Variants in TRAPPC9 observed in about 807,000 individuals in gnomAD.
TRAPPC9 encodes trafficking protein particle complex subunit 9.
TRAPPC9 carries 83 observed loss-of-function variants against 124.0 expected under a neutral mutation model. The ratio of observed to expected loss-of-function variants is 0.67; its 90% confidence interval spans 0.56 to 0.80. TRAPPC9 has a LOEUF of 0.80. Ranked by LOEUF, TRAPPC9 falls within the 30% of genes least tolerant of loss-of-function variation. The pLI is 0.00. For missense variants in TRAPPC9, 1,302 were observed against 1,508.3 expected, an observed-to-expected ratio of 0.86 and a Z score of 2.27; for synonymous variants, 638 against 617.5, an observed-to-expected ratio of 1.03 and a Z score of -0.49.
At chr8:139,918,505 A>G (rs988410257) in intron 19 of TRAPPC9, among the ~76,000 whole-genome samples, 3 of 152,222 alleles carry the variant, frequency 2.0e-5, no homozygotes, top group Admixed American at 6.5e-5. Flanking sequence ...CAGTCACCAG[A>G]GCGTGAGCAA....
intron 21 of TRAPPC9, among the ~76,000 whole-genome samples, chr8:139,860,604 A>T (rs1587008547): frequency 6.6e-6 from 1 of 151,866 alleles, no homozygotes; most frequent in East Asian, 1.9e-4. Flanking sequence ...CTGAAGCCCA[A>T]ACCTGGCTCT....
chr8:140,349,494 G>A (rs1321829837), intron 9 of TRAPPC9, among the ~76,000 whole-genome samples: 2 of 151,340 alleles, frequency 1.3e-5, no homozygotes, highest in African/African-American at 4.9e-5. Context: ...GAAGGCAGAC[G>A]ACCCTGGCAG....
At chr8:139,806,631 A>C (rs1223015202) in intron 21 of TRAPPC9, among the ~76,000 whole-genome samples, 2 of 152,160 alleles carry the variant, frequency 1.3e-5, no homozygotes, top group African/African-American at 4.8e-5. Context: ...CTGAACCCCC[A>C]TCCTGACTCT....
At chr8:139,797,762 T>C (rs1429744490) in intron 21 of TRAPPC9, among the ~76,000 whole-genome samples, 1 of 152,234 alleles carries the variant, frequency 6.6e-6, no homozygotes, top group Non-Finnish European at 1.5e-5. Flanking sequence ...TCTGATTCTT[T>C]CTCTATTGAA....
At chr8:140,320,591 G>A (rs527248640) in intron 9 of TRAPPC9, among the ~76,000 whole-genome samples, 3 of 152,278 alleles carry the variant, frequency 2.0e-5, no homozygotes, top group Admixed American at 6.5e-5. Context: ...TCCAGCACCC[G>A]GTTATCGGGA....
intron 21 of TRAPPC9, among the ~76,000 whole-genome samples, chr8:139,747,101 A>G (rs1053449259): frequency 1.3e-5 from 2 of 152,208 alleles, no homozygotes; most frequent in Non-Finnish European, 2.9e-5. Context: ...TCTGTCCCCA[A>G]GCAATGTCTC....
rs752940904 is a variant in TRAPPC9, at chr8:139,731,236, G to A, written c.3280-8C>T. On this transcript the variant is annotated splice_region_variant and splice_polypyrimidine_tract_variant and intron_variant, in intron 22 of 22. Transcript: ENST00000438773. ...CTGGCCGGACGGCTGCACCTGAGCAGGGAGGAGAAAGACACATCAGTCTGG... is the reference window on the plus strand; with the variant it reads ...CTGGCCGGACGGCTGCACCTGAGCAAGGAGGAGAAAGACACATCAGTCTGG... 6.2e-7 allele frequency: 1 copy of A among 1,613,040 alleles called. No individual in the cohort carries two copies. Among genetic ancestry groups the A allele is most frequent in the Non-Finnish European group, 8.5e-7 (1 of 1,179,824 alleles).
At chr8:140,127,982 G>A (rs1347451535) in intron 17 of TRAPPC9, among the ~76,000 whole-genome samples, 2 of 152,232 alleles carry the variant, frequency 1.3e-5, no homozygotes, top group African/African-American at 4.8e-5. Context: ...TGCAGGGTGA[G>A]TTATAAACCA....
chr8:139,870,482 C>T (rs1450964465), intron 21 of TRAPPC9, among the ~76,000 whole-genome samples: 3 of 152,114 alleles, frequency 2.0e-5, no homozygotes, highest in African/African-American at 2.4e-5. Context: ...ATATTTGTTG[C>T]CATCATGCTT....
intron 6 of TRAPPC9, among the ~76,000 whole-genome samples, chr8:140,404,794 A>ACG: frequency 6.8e-6 from 1 of 147,416 alleles, no homozygotes; most frequent in South Asian, 2.2e-4. Flanking sequence ...GCTTGTATGT[A>ACG]TGTGTGTGTG....
At position 140,416,688 on chromosome 8, in the gene TRAPPC9, T is replaced by G. The variant is rs909146206; in HGVS notation, c.886+9927A>C. On this transcript the variant is annotated intron_variant, in intron 5 of 22. Transcript: ENST00000438773. ...AATGCTATCCCCATCAAGCTACCAT[T>G]AACTTTCTTCACAAAATTTTAAAAA... Among the ~76,000 whole-genome samples the G allele has an allele frequency of 2.0e-5, 3 of 152,184 alleles. No individual in the cohort carries two copies. The East Asian group carries it at 5.8e-4, about 29-fold the overall frequency.
At chr8:139,767,507 G>T (rs1820659553) in intron 21 of TRAPPC9, among the ~76,000 whole-genome samples, 2 of 152,216 alleles carry the variant, frequency 1.3e-5, no homozygotes, top group Admixed American at 6.5e-5. Flanking sequence ...AATGCTGGGT[G>T]AGACGGATCC....
intron 9 of TRAPPC9, among the ~76,000 whole-genome samples, chr8:140,340,106 C>G (rs986880772): frequency 1.3e-5 from 2 of 152,214 alleles, no homozygotes; most frequent in Non-Finnish European, 2.9e-5. Flanking sequence ...CTCAGCCTCC[C>G]AAAGTACTGG....
chr8:140,401,369 GA>G (rs2069262653), intron 6 of TRAPPC9, among the ~76,000 whole-genome samples: 1 of 152,104 alleles, frequency 6.6e-6, no homozygotes, highest in Non-Finnish European at 1.5e-5. Context: ...CAGACGATCA[GA>G]AAAAGGAGCT....
chr8:139,883,134 G>A (rs1369297856), intron 21 of TRAPPC9, among the ~76,000 whole-genome samples: 1 of 152,150 alleles, frequency 6.6e-6, no homozygotes, highest in Non-Finnish European at 1.5e-5. Context: ...GTTCTCATGG[G>A]TGGGAAAATG....
intron 21 of TRAPPC9, among the ~76,000 whole-genome samples, chr8:139,878,218 A>T (rs1240881491): frequency 2.0e-5 from 3 of 152,234 alleles, no homozygotes; most frequent in Admixed American, 6.5e-5. Context: ...ACATGTTTAT[A>T]ACATGGGAAA....
At chr8:140,120,545 T>C (rs1554627189) in intron 17 of TRAPPC9, among the ~76,000 whole-genome samples, 1 of 151,502 alleles carries the variant, frequency 6.6e-6, no homozygotes, top group East Asian at 1.9e-4. Flanking sequence ...TTCATCCATC[T>C]ATCCAACATC....
chr8:139,913,797 A>C (rs1831917804), intron 19 of TRAPPC9: 1 of 152,332 alleles, frequency 6.6e-6, no homozygotes, highest in African/African-American at 2.4e-5. Context: ...CCAAGAGCCA[A>C]GGATGAATTC....
At chr8:139,965,890 G>C (rs1232268392) in intron 19 of TRAPPC9, among the ~76,000 whole-genome samples, 1 of 152,230 alleles carries the variant, frequency 6.6e-6, no homozygotes, top group Non-Finnish European at 1.5e-5. Flanking sequence ...CAGCAGTGAG[G>C]GAAGCACAGC....
Sources: allele counts gnomAD v4.1 joint callset (sites outside exome capture counted in the v4.1 genomes callset), GRCh38; gene constraint gnomAD v4.1.1; transcripts MANE v1.5; gene names NCBI Gene and HGNC (gene_info 2026-07-23, HGNC 2026-07-21).